Variants in DLGAP2 observed in about 807,000 individuals in gnomAD.
The protein encoded by DLGAP2 is DLG associated protein 2, also known as disks large-associated protein 2.
Under a neutral mutation model 100.3 loss-of-function variants are expected in DLGAP2, and 26 were observed. The observed-to-expected ratio is 0.26, with a 90% confidence interval of 0.19 to 0.36. DLGAP2 has a LOEUF of 0.36. Among genes scored for constraint, DLGAP2 ranks in the 10% least tolerant of loss-of-function variants. The pLI, the probability that DLGAP2 is intolerant of heterozygous loss-of-function variation, is 1.00. For synonymous variants in DLGAP2, 886 were observed against 630.1 expected (o/e 1.41, Z -6.08); for missense variants, 1,858 against 1,453.2 (o/e 1.28, Z -4.53).
At chr8:1,200,758 A>G (rs1797853257) in intron 2 of DLGAP2, among the ~76,000 whole-genome samples, 1 of 151,556 alleles carries the variant, frequency 6.6e-6, no homozygotes, top group Non-Finnish European at 1.5e-5. Context: ...AGCTGTAATA[A>G]CACGGGTTCC....
chr8:821,115 T>G lies in DLGAP2; in HGVS notation c.18+83290T>G, dbSNP rs144122946. ...TATTTCCCAAATGTGCTTGCTACAATAAAAGTCAGCTAATTTTCTTACCTT... is the reference window on the plus strand; with the variant it reads ...TATTTCCCAAATGTGCTTGCTACAAGAAAAGTCAGCTAATTTTCTTACCTT... On this transcript the variant is annotated intron_variant, in intron 1 of 14. Transcript: ENST00000637795. 2.6e-5 allele frequency among the ~76,000 whole-genome samples: 4 copies of G among 152,332 alleles called. No homozygotes were observed. The East Asian group carries it at 7.7e-4, about 29-fold the overall frequency.
chr8:1,135,373 GT>G (rs1218367763), intron 2 of DLGAP2, among the ~76,000 whole-genome samples: 1 of 152,194 alleles, frequency 6.6e-6, no homozygotes, highest in Admixed American at 6.5e-5. Context: ...GGCTGTCTGA[GT>G]GCATCTCGTC....
intron 2 of DLGAP2, among the ~76,000 whole-genome samples, chr8:1,170,045 G>C (rs1471312138): frequency 2.0e-4 from 30 of 151,828 alleles, no homozygotes; most frequent in Admixed American, 1.9e-3. Flanking sequence ...TTATTATTTT[G>C]AGATACGTCC....
intron 4 of DLGAP2, among the ~76,000 whole-genome samples, chr8:1,523,824 C>T (rs1400903256): frequency 1.3e-5 from 2 of 152,196 alleles, no homozygotes; most frequent in East Asian, 1.9e-4. Context: ...CACGTCACAG[C>T]ATTTAAAAGA....
intron 2 of DLGAP2, among the ~76,000 whole-genome samples, chr8:1,017,764 G>A (rs543843498): frequency 1.2e-4 from 18 of 152,298 alleles, no homozygotes; most frequent in African/African-American, 3.6e-4. Flanking sequence ...TGCCGTGGGC[G>A]GGTAGACTCG....
intron 1 of DLGAP2, among the ~76,000 whole-genome samples, chr8:894,586 G>C (rs531491431): frequency 6.9e-6 from 1 of 143,970 alleles, no homozygotes; most frequent in African/African-American, 2.6e-5. Context: ...GTATGGAGGC[G>C]GAGCAGGGGT....
intron 3 of DLGAP2, among the ~76,000 whole-genome samples, chr8:1,414,498 C>G (rs1796823631): frequency 6.6e-6 from 1 of 152,146 alleles, no homozygotes; most frequent in South Asian, 2.1e-4. Context: ...AGTGCAGGGT[C>G]CACACCAGAG....
intron 10 of DLGAP2, among the ~76,000 whole-genome samples, chr8:1,673,479 T>C (rs1380816049): frequency 6.6e-6 from 1 of 152,236 alleles, no homozygotes. Flanking sequence ...CATCCAGCAA[T>C]GGAGAACTTC....
chr8:1,200,733 G>A (rs1797852689), intron 2 of DLGAP2, among the ~76,000 whole-genome samples: 1 of 151,588 alleles, frequency 6.6e-6, no homozygotes, highest in African/African-American at 2.4e-5. Context: ...AATCAGCCTG[G>A]ATTCGGACTT....
chr8:1,021,537 G>T (rs1243631420), intron 2 of DLGAP2, among the ~76,000 whole-genome samples: 1 of 152,164 alleles, frequency 6.6e-6, no homozygotes, highest in East Asian at 1.9e-4. Context: ...AACAGTTTGT[G>T]GGCAGGCAGA....
intron 2 of DLGAP2, among the ~76,000 whole-genome samples, chr8:1,036,151 G>A (rs577333826): frequency 1.4e-5 from 2 of 147,444 alleles, no homozygotes; most frequent in East Asian, 2.1e-4. Context: ...GTGTCACCGC[G>A]AGTGGATTCA....
intron 1 of DLGAP2, among the ~76,000 whole-genome samples, chr8:801,966 GGTCTGC>G (rs1796163752): frequency 2.2e-4 from 26 of 117,744 alleles, no homozygotes; most frequent in South Asian, 6.3e-4. Context: ...CCTGGGGAAC[GGTCTGC>G]ACCCCTCCTG....
Position 1,182,390 on chromosome 8 carries a change from C to G in DLGAP2, c.74-76461C>G, listed in dbSNP as rs533908761. Among the ~76,000 whole-genome samples the G allele has an allele frequency of 8.5e-5, 13 of 152,366 alleles. 1 individual carries two copies. The South Asian group carries it at 2.7e-3, about 32-fold the overall frequency. The stretch of plus-strand genomic sequence containing the variant: ...TGAGAGTTGGCCCTTGTGACCCCAA[C>G]AGAATTGTATCAGTAGGACCTGAGC... On this transcript the variant is annotated intron_variant, in intron 2 of 14. Coordinates refer to ENST00000637795, the MANE Select transcript of DLGAP2 (RefSeq NM_001346810.2).
intron 3 of DLGAP2, among the ~76,000 whole-genome samples, chr8:1,407,478 G>A (rs1468195775): frequency 1.4e-5 from 2 of 146,662 alleles, no homozygotes; most frequent in African/African-American, 2.5e-5. Context: ...ATCCTCCAGG[G>A]TAGTGTATTG....
At chr8:861,759 G>A (rs989493834) in intron 1 of DLGAP2, among the ~76,000 whole-genome samples, 57 of 152,324 alleles carry the variant, frequency 3.7e-4, no homozygotes, top group Middle Eastern at 3.4e-3. Flanking sequence ...GCGTTGACGC[G>A]CAGCTTGTCC....
intron 7 of DLGAP2, 119 bp from the exon 8 acceptor site, chr8:1,632,708 G>T: frequency 2.1e-6 from 2 of 955,116 alleles, no homozygotes; most frequent in South Asian, 3.4e-5. Context: ...CAGGTTAACT[G>T]TGCTGAACTA....
chr8:1,319,622 A>G (rs1344897330), intron 3 of DLGAP2, among the ~76,000 whole-genome samples: 1 of 152,186 alleles, frequency 6.6e-6, no homozygotes, highest in East Asian at 1.9e-4. Flanking sequence ...AGCTGTGATG[A>G]GATGAGAAAA....
At chr8:1,349,500 ACAGGTAGAAAGGGGTGTTTGAGGGGGAC>A (rs1801653309) in intron 3 of DLGAP2, among the ~76,000 whole-genome samples, 1 of 144,744 alleles carries the variant, frequency 6.9e-6, no homozygotes, top group Admixed American at 7.0e-5. Flanking sequence ...ACATCCACAC[ACAGGTAGAAAGGGGTGTTTGAGGGGGAC>A]TGTCGTGAGC....
intron 1 of DLGAP2, among the ~76,000 whole-genome samples, chr8:800,277 C>T (rs965525054): frequency 2.0e-5 from 3 of 152,190 alleles, no homozygotes; most frequent in African/African-American, 7.2e-5. Flanking sequence ...GATGTACAGA[C>T]ATTGTGTTTT....
Sources: gnomAD v4.1 joint callset for allele counts (sites outside exome capture counted in the v4.1 genomes callset) on GRCh38, gnomAD v4.1.1 for gene constraint, MANE v1.5 for transcripts, NCBI Gene and HGNC (gene_info 2026-07-23, HGNC 2026-07-21) for gene names.